WNT7B: variants seen among roughly 807,000 people sequenced by gnomAD.
WNT7B encodes Wnt family member 7B, also known as protein Wnt-7b.
WNT7B carries 19 observed loss-of-function variants against 38.2 expected under a neutral mutation model. That is an observed-to-expected ratio of 0.50 (90% CI 0.35 to 0.73). WNT7B has a LOEUF of 0.73. Ranked by LOEUF, WNT7B falls within the 30% of genes least tolerant of loss-of-function variation. WNT7B has a pLI of 0.01. For synonymous variants in WNT7B, 243 were observed against 209.3 expected (o/e 1.16, Z -1.39); for missense variants, 423 against 507.9 (o/e 0.83, Z 1.61).
intron 1 of WNT7B, among the ~76,000 whole-genome samples, chr22:45,957,178 T>C (rs924402982): frequency 2.0e-5 from 3 of 151,500 alleles, no homozygotes; most frequent in African/African-American, 7.3e-5. Context: ...ATAGTTACCC[T>C]TGGGTGGGTG....
intron 2 of WNT7B, among the ~76,000 whole-genome samples, chr22:45,945,215 C>A (rs1487267230): frequency 1.3e-5 from 2 of 152,050 alleles, no homozygotes; most frequent in African/African-American, 4.8e-5. Flanking sequence ...TCCTGAGTAG[C>A]TGGGAGTACA....
In WNT7B at chr22:45,967,652, TC is replaced by T. The variant is rs1932341701; in HGVS notation, c.71+9031del. On this transcript the variant is annotated intron_variant, in intron 1 of 3. Transcript: ENST00000339464. ...CCACACCCAAGCAGGGGCCCTGGGC[TC>T]CCCATAGGCACCCACCTGCCCTGCC... 2.1e-5 allele frequency among the ~76,000 whole-genome samples: 3 copies of T among 139,948 alleles called. No homozygotes were observed. The South Asian group carries it at 8.0e-4, about 37-fold the overall frequency. The allele number at this position is 139,948 out of a possible 152,430, so 91.8% of individuals were successfully genotyped here.
chr22:45,955,437 G>A (rs889286008), intron 1 of WNT7B, among the ~76,000 whole-genome samples: 1 of 152,210 alleles, frequency 6.6e-6, no homozygotes, highest in African/African-American at 2.4e-5. Context: ...AGCGTGGGCC[G>A]GCCATGGGCA....
intron 1 of WNT7B, among the ~76,000 whole-genome samples, chr22:45,955,862 A>G (rs771336288): frequency 6.6e-5 from 10 of 152,204 alleles, no homozygotes; most frequent in Non-Finnish European, 1.3e-4. Flanking sequence ...CTCAGGCCAG[A>G]GGCCAGCAGA....
intron 2 of WNT7B, among the ~76,000 whole-genome samples, chr22:45,932,895 C>T (rs760009725): frequency 9.9e-5 from 15 of 152,228 alleles, no homozygotes; most frequent in Admixed American, 6.5e-5. Context: ...CCCTCAGTTG[C>T]CCACTGCTGT....
At chr22:45,931,448 C>G in intron 2 of WNT7B, 79 bp from the exon 3 acceptor site, 4 of 1,440,504 alleles carry the variant, frequency 2.8e-6, no homozygotes, top group Non-Finnish European at 3.7e-6. Flanking sequence ...TGCCGGGCCT[C>G]GATCCACCTG....
chr22:45,949,923 C>T lies in WNT7B; in HGVS notation c.295G>A (p.Val99Ile). 6.2e-7 allele frequency: 1 copy of T among 1,607,642 alleles called. No individual in the cohort carries two copies. The highest frequency in any genetic ancestry group is 8.5e-7 in the Non-Finnish European group (1 of 1,175,350). ...TTGAGCCCAGAGGCGCCCTTACCTA[C>T]TCGGAGCTCTTGCCCGAAGACGGTC... ...EKTVFGQELRVGSREAAFTYA... is the reference protein window; with the variant it reads ...EKTVFGQELRIGSREAAFTYA... The change falls in exon 2 of 4, where the codon GTA (valine) becomes ATA (isoleucine). Residue 99 changes from valine (V) to isoleucine (I), a missense_variant. Physicochemically the swap from Val to Ile is conservative, Grantham distance 29. Transcript: ENST00000339464.
At chr22:45,928,542 G>A (rs1001102674) in intron 3 of WNT7B, among the ~76,000 whole-genome samples, 5 of 151,870 alleles carry the variant, frequency 3.3e-5, no homozygotes, top group Admixed American at 2.0e-4. Context: ...GGCCACTGGC[G>A]GCATCATCAG....
chr22:45,931,564 C>CAGCACCTGGTATACAGCA, intron 2 of WNT7B, among the ~76,000 whole-genome samples, 195 bp from the exon 3 acceptor site: 1 of 152,282 alleles, frequency 6.6e-6, no homozygotes, highest in South Asian at 2.1e-4. Context: ...ATGGTAGGGG[C>CAGCACCTGGTATACAGCA]AGCACCTGGT....
rs200983891 is a variant in WNT7B at position 45,931,159 on chromosome 22, C to T, written c.509G>A (p.Arg170Gln). 2.5e-6 allele frequency: 4 copies of T among 1,599,218 alleles called. No individual in the cohort carries two copies. The highest frequency in any genetic ancestry group is 3.4e-6 in the Non-Finnish European group (4 of 1,179,280). Residue 170 changes from arginine to glutamine, a missense_variant, in exon 3 of 4, where the codon CGG becomes CAG. Coordinates refer to ENST00000339464, the MANE Select transcript of WNT7B (RefSeq NM_058238.3). ...GCGCCGCGCGTTCTTCTTGATCTCC[C>T]GAGCGTCCACGAAGCGCCGGGAGAA... ...IDFSRRFVDAREIKKNARRLM... is the reference protein window; with the variant it reads ...IDFSRRFVDAQEIKKNARRLM...
At position 45,920,801 on chromosome 22, in the gene WNT7B, T is replaced by C. The variant is rs1930907689; in HGVS notation, c.*2055A>G. The C allele has an allele frequency of 6.6e-6, 1 of 151,858 alleles. No homozygotes were observed. Among genetic ancestry groups the C allele is most frequent in the African/African-American group, 2.4e-5 (1 of 41,300 alleles). The allele number at this position is 151,858 out of a possible 1,614,324, so 9.4% of individuals were successfully genotyped here. ...CCATCCCCCTCTCCGGTACCCAGTGTAGGTCACAATAATTTAAAGACACTA... is the reference window on the plus strand; with the variant it reads ...CCATCCCCCTCTCCGGTACCCAGTGCAGGTCACAATAATTTAAAGACACTA... On this transcript the variant is annotated 3_prime_UTR_variant, in exon 4 of 4. Coordinates refer to ENST00000339464, the MANE Select transcript of WNT7B (RefSeq NM_058238.3).
At chr22:45,949,878 G>A in intron 2 of WNT7B, 42 bp downstream of exon 2, 1 of 1,577,634 alleles carries the variant, frequency 6.3e-7, no homozygotes, top group Non-Finnish European at 8.7e-7. Flanking sequence ...TACTGCCCCT[G>A]GCCACAATGG....
intron 2 of WNT7B, among the ~76,000 whole-genome samples, chr22:45,943,241 C>A (rs978677459): frequency 5.3e-5 from 8 of 152,224 alleles, no homozygotes; most frequent in African/African-American, 1.9e-4. Flanking sequence ...CACCCGGACC[C>A]CACCCGGGCT....
In WNT7B at chr22:45,931,290, C is replaced by G; in HGVS notation, c.378G>C (p.Gly126=). Residue 126 remains glycine, a synonymous_variant, in exon 3 of 4, where the codon GGG becomes GGC. Transcript: ENST00000339464. Reference sequence around the variant, plus strand: ...GGTCGCAGCCGCAGTTGCTCAGGTTCCCTTGGCTGCAGGCAGCGGTGACGG... The same window carrying G: ...GGTCGCAGCCGCAGTTGCTCAGGTTGCCTTGGCTGCAGGCAGCGGTGACGG... ...AHAVTAACSQ[G]NLSNCGCDRE... is the part of the protein sequence containing the mutation. The G allele has an allele frequency of 6.3e-7, 1 of 1,598,284 alleles. No homozygotes were observed. The highest frequency in any genetic ancestry group is 8.5e-7 in the Non-Finnish European group (1 of 1,179,506).
At chr22:45,967,957 C>T (rs953858406) in intron 1 of WNT7B, among the ~76,000 whole-genome samples, 5 of 152,128 alleles carry the variant, frequency 3.3e-5, no homozygotes, top group African/African-American at 7.2e-5. Flanking sequence ...TCAGAGGCAG[C>T]GCGGGCACTG....
chr22:45,975,640 A>T lies in WNT7B; in HGVS notation c.71+1044T>A. On this transcript the variant is annotated intron_variant, in intron 1 of 3. Transcript: ENST00000339464. The surrounding 1 kb of genome is among the most constrained non-coding windows in gnomAD (Gnocchi z 6.6). ...CTCCGCCTGGGAAGCCGCGTCTCCC[A>T]CCAGTGGTACCTGCACCTGCCCCTC... 1 of 710,888 alleles carries T rather than the reference A, an allele frequency of 1.4e-6. No homozygotes were observed. The highest frequency in any genetic ancestry group is 1.5e-5 in the South Asian group (1 of 66,810). The allele number at this position is 710,888 out of a possible 1,614,324, so 44.0% of individuals were successfully genotyped here.
chr22:45,928,453 TGAG>T (rs1424444877), intron 3 of WNT7B, among the ~76,000 whole-genome samples: 4 of 152,130 alleles, frequency 2.6e-5, no homozygotes, highest in Non-Finnish European at 1.5e-5. Flanking sequence ...ACTGTGCAGA[TGAG>T]GAGGTCAAGG....
intron 1 of WNT7B, among the ~76,000 whole-genome samples, chr22:45,962,080 C>T (rs1053037089): frequency 2.6e-5 from 4 of 151,860 alleles, no homozygotes; most frequent in Non-Finnish European, 4.4e-5. Context: ...CCCACCCTCC[C>T]CACATAGCTG....
rs966991401 is a variant in WNT7B at position 45,920,798 on chromosome 22, G to T, written c.*2058C>A. Reference sequence around the variant, plus strand: ...CAGCCATCCCCCTCTCCGGTACCCAGTGTAGGTCACAATAATTTAAAGACA... The same window carrying T: ...CAGCCATCCCCCTCTCCGGTACCCATTGTAGGTCACAATAATTTAAAGACA... On this transcript the variant is annotated 3_prime_UTR_variant, in exon 4 of 4. Transcript: ENST00000339464. 6.6e-6 allele frequency: 1 copy of T among 151,992 alleles called. No individual in the cohort carries two copies. Among genetic ancestry groups the T allele is most frequent in the Non-Finnish European group, 1.5e-5 (1 of 67,988 alleles). 9.4% of individuals were successfully genotyped at this position (151,992 alleles called of 1,614,324 possible).
Sources: allele counts gnomAD v4.1 joint callset (sites outside exome capture counted in the v4.1 genomes callset), GRCh38; gene constraint gnomAD v4.1.1; non-coding constraint Gnocchi (gnomAD v3.1); transcripts MANE v1.5; gene names NCBI Gene and HGNC (gene_info 2026-07-23, HGNC 2026-07-21).